Variants in OR51B5 observed in about 807,000 individuals in gnomAD.
OR51B5 encodes the protein olfactory receptor 51B5.
For missense variants in OR51B5, 456 were observed against 374.6 expected (o/e 1.22, Z -1.79); for synonymous variants, 186 against 144.8 (o/e 1.28, Z -2.04).
chr11:5,407,075 A>C (rs1850068236), intron 1 of OR51B5, among the ~76,000 whole-genome samples: 1 of 152,160 alleles, frequency 6.6e-6, no homozygotes, highest in South Asian at 2.1e-4. Context: ...AAAGCAAGAA[A>C]ATAACAATTA....
intron 1 of OR51B5, among the ~76,000 whole-genome samples, chr11:5,459,698 C>G (rs1851017977): frequency 2.0e-5 from 3 of 152,108 alleles, no homozygotes; most frequent in African/African-American, 7.2e-5. Flanking sequence ...TCCCATCAGT[C>G]TAAATGGCTA....
chr11:5,353,192 G>A (rs1564917149), intron 1 of OR51B5, among the ~76,000 whole-genome samples: 1 of 152,038 alleles, frequency 6.6e-6, no homozygotes, highest in Non-Finnish European at 1.5e-5. Context: ...AATTCAAAAT[G>A]ATGAGTCTAG....
intron 1 of OR51B5, among the ~76,000 whole-genome samples, chr11:5,444,551 T>G (rs1381922645): frequency 6.6e-6 from 1 of 152,106 alleles, no homozygotes; most frequent in East Asian, 1.9e-4. Flanking sequence ...AGTGTTAAAA[T>G]TTAGAATAAA....
At chr11:5,345,206 G>T (rs1254100287), upstream of OR51B5, among the ~76,000 whole-genome samples, 1 of 152,142 alleles carries the variant, frequency 6.6e-6, no homozygotes, top group Non-Finnish European at 1.5e-5. Flanking sequence ...GGAAAATAGT[G>T]TGGTGATATA....
chr11:5,375,798 C>G (rs200203345), intron 1 of OR51B5, among the ~76,000 whole-genome samples: 29,854 of 151,868 alleles, frequency 0.2, 3,184 homozygotes, highest in East Asian at 0.37. Context: ...CAGGAGCACC[C>G]AGATTCATAA....
intron 1 of OR51B5, chr11:5,389,795 G>C (rs1384269417): frequency 1.9e-6 from 3 of 1,613,764 alleles, no homozygotes; most frequent in African/African-American, 2.7e-5. Context: ...GATGTCCTTT[G>C]ACCGCCTTGT....
intron 1 of OR51B5, chr11:5,389,310 T>C (rs2133727603): frequency 8.0e-7 from 1 of 1,244,594 alleles, no homozygotes; most frequent in East Asian, 2.3e-5. Flanking sequence ...ATGATGACCA[T>C]GGTACTGCTT....
intron 1 of OR51B5, among the ~76,000 whole-genome samples, chr11:5,372,348 G>A (rs186757437): frequency 0.03 from 2,504 of 83,110 alleles, 59 homozygotes; most frequent in African/African-American, 0.11. Flanking sequence ...ACTTCCATAC[G>A]TTTTCTATAA....
At chr11:5,444,975 C>T (rs1850740210) in intron 1 of OR51B5, among the ~76,000 whole-genome samples, 1 of 152,260 alleles carries the variant, frequency 6.6e-6, no homozygotes, top group Admixed American at 6.5e-5. Context: ...ACAGATACCC[C>T]CTTAGACCTA....
At chr11:5,386,247 T>C (rs1168097074) in intron 1 of OR51B5, among the ~76,000 whole-genome samples, 1 of 151,762 alleles carries the variant, frequency 6.6e-6, no homozygotes, top group Non-Finnish European at 1.5e-5. Flanking sequence ...TATGGGTGTG[T>C]TGACTGGGAA....
intron 1 of OR51B5, among the ~76,000 whole-genome samples, chr11:5,438,916 T>C (rs1390000779): frequency 6.6e-6 from 1 of 152,150 alleles, no homozygotes; most frequent in Non-Finnish European, 1.5e-5. Flanking sequence ...AGATTAAACA[T>C]ATCCCATCTA....
intron 1 of OR51B5, chr11:5,469,090 C>G: frequency 8.5e-6 from 2 of 235,584 alleles, no homozygotes; most frequent in South Asian, 1.1e-4. Context: ...CAAACTCTGT[C>G]CAGGAGGAAA....
chr11:5,400,208 C>G (rs911544370), intron 1 of OR51B5, among the ~76,000 whole-genome samples: 1 of 152,176 alleles, frequency 6.6e-6, no homozygotes, highest in Non-Finnish European at 1.5e-5. Flanking sequence ...TTTTCCTAAG[C>G]TGATAATCTA....
chr11:5,346,300 C>G (rs558637814), upstream of OR51B5: 1 of 152,250 alleles, frequency 6.6e-6, no homozygotes, highest in South Asian at 2.1e-4. Context: ...TGGAATCACT[C>G]TACTTTGTTT....
At chr11:5,476,414 G>A (rs537925311) in intron 1 of OR51B5, among the ~76,000 whole-genome samples, 1 of 152,276 alleles carries the variant, frequency 6.6e-6, no homozygotes, top group East Asian at 1.9e-4. Flanking sequence ...CCACAAGGGG[G>A]CACTCAGAGG....
In OR51B5 at chr11:5,351,987, C is replaced by T. The variant is rs753557022; in HGVS notation, n.85-5077G>A. The T allele has an allele frequency of 6.8e-6, 11 of 1,613,332 alleles. No individual in the cohort carries two copies. In the South Asian group the frequency reaches 1.2e-4, roughly 18 times the overall value. ...TGTCCATTATGCCAATAGTTGTTCG[C>T]CTACACTGGTTTCCCTACTGTCGAT... On this transcript the variant is annotated intron_variant and non_coding_transcript_variant, in intron 1 of 4. Transcript: ENST00000415970.
At chr11:5,352,135 C>A in intron 1 of OR51B5, 1 of 1,614,138 alleles carries the variant, frequency 6.2e-7, no homozygotes, top group Non-Finnish European at 8.5e-7. Flanking sequence ...GTTGGACTTT[C>A]TCATCATCTT....
chr11:5,414,120 G>A (rs1019787573), intron 1 of OR51B5, among the ~76,000 whole-genome samples: 33 of 151,900 alleles, frequency 2.2e-4, no homozygotes, highest in Admixed American at 4.6e-4. Flanking sequence ...GAGAGTGGGG[G>A]CCAATATTCA....
At position 5,425,321 on chromosome 11, in the gene OR51B5, G is replaced by C. The variant is rs1172791310; in HGVS notation, n.85-78411C>G. 3.9e-5 allele frequency among the ~76,000 whole-genome samples: 6 copies of C among 152,306 alleles called. No homozygotes were observed. In the East Asian group the frequency reaches 1.2e-3, roughly 29 times the overall value. On this transcript the variant is annotated intron_variant and non_coding_transcript_variant, in intron 1 of 4. Coordinates refer to the OR51B5 transcript ENST00000415970. Reference sequence around the variant, plus strand: ...GGGATTATGTTGGTTTTTCAAAAGAGGAGCACAGGCTACCATAAATAATGT... The same window carrying C: ...GGGATTATGTTGGTTTTTCAAAAGACGAGCACAGGCTACCATAAATAATGT...
Sources: gnomAD v4.1 joint callset for allele counts (sites outside exome capture counted in the v4.1 genomes callset) on GRCh38, gnomAD v4.1.1 for gene constraint, MANE v1.5 for transcripts, NCBI Gene and HGNC (gene_info 2026-07-23, HGNC 2026-07-21) for gene names.